LZIC: variants seen among roughly 807,000 people sequenced by gnomAD.
LZIC encodes the protein leucine zipper and CTNNBIP1 domain containing, also known as protein LZIC.
In LZIC, 28 loss-of-function variants were observed where a neutral mutation model predicts 25.4. The ratio of observed to expected loss-of-function variants is 1.10; its 90% CI spans 0.82 to 1.51. LZIC has a LOEUF of 1.51. Among genes scored for constraint, LZIC ranks in the 40% most tolerant of loss-of-function variants. The pLI is 0.00. For synonymous variants in LZIC, 65 were observed against 70.7 expected (o/e 0.92, Z 0.40); for missense variants, 170 against 211.1 (o/e 0.81, Z 1.21).
At chr1:9,934,940 ATT>A in intron 4 of LZIC, 80 bp from the exon 5 acceptor site, 1 of 1,042,098 alleles carries the variant, frequency 9.6e-7, no homozygotes, top group South Asian at 1.3e-5. Flanking sequence ...CGGATCCTTA[ATT>A]TTTATCAAGG....
At chr1:9,930,593 C>CTGT in intron 7 of LZIC, 136 bp from the exon 8 acceptor site, 1 of 1,184,844 alleles carries the variant, frequency 8.4e-7, no homozygotes, top group South Asian at 1.6e-5. Flanking sequence ...TGTATTAACC[C>CTGT]CTACACGTTC....
intron 2 of LZIC, among the ~76,000 whole-genome samples, chr1:9,939,341 C>T (rs1224237087): frequency 6.7e-6 from 1 of 150,356 alleles, no homozygotes; most frequent in African/African-American, 2.4e-5. Context: ...GGATTACAGG[C>T]ATGAGGCACC....
chr1:9,940,623 G>A (rs1158260129), intron 2 of LZIC, among the ~76,000 whole-genome samples: 1 of 152,210 alleles, frequency 6.6e-6, no homozygotes, highest in Non-Finnish European at 1.5e-5. Context: ...CAGCATTAAA[G>A]CATGTTTTAT....
chr1:9,932,685 G>GGA (rs1553121774), intron 6 of LZIC, 118 bp downstream of exon 6: 188 of 282,912 alleles, frequency 6.6e-4, no homozygotes, highest in East Asian at 2.9e-3. Context: ...CTCCGTCTCA[G>GGA]AAAAAAAAAA....
downstream of LZIC, among the ~76,000 whole-genome samples, chr1:9,922,561 G>T (rs1481005313): frequency 6.6e-6 from 1 of 152,226 alleles, no homozygotes; most frequent in Non-Finnish European, 1.5e-5. Flanking sequence ...ATAAAGTAGT[G>T]TCAGCTTCTT....
chr1:9,941,203 CTT>C (rs993329404), intron 2 of LZIC, among the ~76,000 whole-genome samples: 47 of 151,924 alleles, frequency 3.1e-4, no homozygotes, highest in African/African-American at 9.2e-4. Context: ...TTTCTTTCCT[CTT>C]TCTTTTTTTT....
At chr1:9,935,359 C>G in intron 4 of LZIC, 133 bp downstream of exon 4, 1 of 818,340 alleles carries the variant, frequency 1.2e-6, no homozygotes. Context: ...ACCTGGGAGG[C>G]GGAGGTTGCA....
chr1:9,932,678 C>T (rs1226888974), intron 6 of LZIC, 125 bp downstream of exon 6: 12 of 500,608 alleles, frequency 2.4e-5, no homozygotes, highest in Middle Eastern at 4.4e-4. Context: ...AGCGGAACTC[C>T]GTCTCAGAAA....
chr1:9,935,411 G>A (rs191922759), intron 4 of LZIC, 81 bp downstream of exon 4: 3 of 1,438,770 alleles, frequency 2.1e-6, no homozygotes, highest in African/African-American at 2.9e-5. Flanking sequence ...CTGGGCGACA[G>A]AGTAAGAATG....
rs907224222 is a variant in LZIC, at chr1:9,927,629, C to G, written c.*2770G>C. On this transcript the variant is annotated 3_prime_UTR_variant, in exon 8 of 8. Coordinates refer to ENST00000377223, the MANE Select transcript of LZIC (RefSeq NM_032368.5). ...GGTCCCTTTCAAATTCAAGATATTC[C>G]TAATTTTTCTGGTCTACTATTGCAG... 2.7e-5 allele frequency among the ~76,000 whole-genome samples: 4 copies of G among 150,792 alleles called. No homozygotes were observed. The highest frequency in any genetic ancestry group is 5.9e-5 in the Non-Finnish European group (4 of 67,772).
In LZIC at chr1:9,927,212, T is replaced by C. The variant is rs1640013386; in HGVS notation, c.*3187A>G. Among the ~76,000 whole-genome samples, 1 of 152,226 alleles carries C rather than the reference T, an allele frequency of 6.6e-6. No homozygotes were observed. The highest frequency in any genetic ancestry group is 1.5e-5 in the Non-Finnish European group (1 of 68,034). ...AAATTGAGTACTCTTACTTACAAAA[T>C]GAACACATTAATGTGATAATTGACA... On this transcript the variant is annotated 3_prime_UTR_variant, in exon 8 of 8. Coordinates refer to ENST00000377223, the MANE Select transcript of LZIC (RefSeq NM_032368.5).
intron 5 of LZIC, among the ~76,000 whole-genome samples, chr1:9,933,875 G>A (rs1011552077): frequency 6.6e-6 from 1 of 151,626 alleles, no homozygotes; most frequent in African/African-American, 2.4e-5. Context: ...ACTACACTGA[G>A]CCTGGGTGAC....
chr1:9,940,936 C>T (rs746811753), intron 2 of LZIC, among the ~76,000 whole-genome samples: 4 of 152,122 alleles, frequency 2.6e-5, no homozygotes, highest in Non-Finnish European at 4.4e-5. Context: ...CAAGGCAAAC[C>T]CAAGATGTAA....
intron 5 of LZIC, among the ~76,000 whole-genome samples, 170 bp from the exon 6 acceptor site, chr1:9,933,068 C>G (rs570843170): frequency 6.6e-6 from 1 of 151,814 alleles, no homozygotes; most frequent in East Asian, 1.9e-4. Flanking sequence ...TCCTGGCTAA[C>G]ACGGTGAAAC....
intron 5 of LZIC, 61 bp from the exon 6 acceptor site, chr1:9,932,959 A>G: frequency 1.7e-6 from 2 of 1,185,022 alleles, no homozygotes; most frequent in South Asian, 2.5e-5. Context: ...TATACAAAAT[A>G]TAGCTTTTCA....
At chr1:9,933,301 T>TATATAC (rs1182876797) in intron 5 of LZIC, among the ~76,000 whole-genome samples, 2 of 129,442 alleles carry the variant, frequency 1.5e-5, no homozygotes, top group African/African-American at 6.0e-5. Context: ...TATATATATA[T>TATATAC]ACACATACAT....
chr1:9,924,377 C>G (rs564452686), downstream of LZIC, among the ~76,000 whole-genome samples: 11 of 151,890 alleles, frequency 7.2e-5, no homozygotes, highest in Non-Finnish European at 1.6e-4. Context: ...TTTTTTGAGA[C>G]GGAGTCTTGC....
intron 2 of LZIC, among the ~76,000 whole-genome samples, chr1:9,938,819 A>T (rs1437347488): frequency 2.6e-5 from 4 of 152,228 alleles, no homozygotes; most frequent in African/African-American, 9.6e-5. Context: ...CAAGATTTAT[A>T]CATCTTTATA....
chr1:9,927,182 AT>A lies in LZIC; in HGVS notation c.*3216del, dbSNP rs1640012883. On this transcript the variant is annotated 3_prime_UTR_variant, in exon 8 of 8. Transcript: ENST00000377223. Reference sequence around the variant, plus strand: ...ACTAGGCCACTTTTAAAGTAAGATCATTTTAAATTGAGTACTCTTACTTACA... The same window carrying A: ...ACTAGGCCACTTTTAAAGTAAGATCATTTAAATTGAGTACTCTTACTTACA... Among the ~76,000 whole-genome samples the A allele has an allele frequency of 6.6e-6, 1 of 152,228 alleles. No homozygotes were observed. Among genetic ancestry groups the A allele is most frequent in the Non-Finnish European group, 1.5e-5 (1 of 68,044 alleles).
Sources: gnomAD v4.1 joint callset for allele counts (sites outside exome capture counted in the v4.1 genomes callset) on GRCh38, gnomAD v4.1.1 for gene constraint, MANE v1.5 for transcripts, NCBI Gene and HGNC (gene_info 2026-07-23, HGNC 2026-07-21) for gene names.